The following CYB5R2 variants were observed in gnomAD, a reference collection of about 807,000 sequenced individuals.
CYB5R2 encodes cytochrome b5 reductase 2.
In CYB5R2, 35 loss-of-function variants were observed where a neutral mutation model predicts 29.8. The observed-to-expected ratio is 1.17, with a 90% confidence interval of 0.90 to 1.56. CYB5R2 has a LOEUF of 1.56. CYB5R2 is among the 40% of genes most tolerant of loss of function. The pLI, the probability that CYB5R2 is intolerant of heterozygous loss-of-function variation, is 0.00. For missense variants in CYB5R2, 419 were observed against 346.7 expected (o/e 1.21, Z -1.66); for synonymous variants, 169 against 130.6 (o/e 1.29, Z -2.01).
At chr11:7,668,109 C>T (rs1208524740) in intron 6 of CYB5R2, among the ~76,000 whole-genome samples, 1 of 151,736 alleles carries the variant, frequency 6.6e-6, no homozygotes, top group Non-Finnish European at 1.5e-5. Context: ...ATGCCTATTA[C>T]AGTGCCTGGC....
intron 8 of CYB5R2, chr11:7,665,892 A>G: frequency 6.5e-7 from 1 of 1,536,124 alleles, no homozygotes; most frequent in Non-Finnish European, 8.7e-7. Context: ...TGTTAGTGGA[A>G]CTGCGCAGAA....
upstream of CYB5R2, chr11:7,673,865 C>G (rs1376657751): frequency 1.0e-5 from 10 of 991,272 alleles, no homozygotes; most frequent in Admixed American, 5.9e-4. Flanking sequence ...CCCGGGAGGA[C>G]AAAAGCGCGG....
intron 3 of CYB5R2, 43 bp downstream of exon 3, chr11:7,672,408 C>T: frequency 3.2e-6 from 5 of 1,555,944 alleles, no homozygotes; most frequent in African/African-American, 1.4e-5. Context: ...AGGGCCTAGC[C>T]CCCAGAGGCC....
At chr11:7,665,960 G>C in intron 8 of CYB5R2, 1 of 1,519,452 alleles carries the variant, frequency 6.6e-7, no homozygotes, top group Admixed American at 2.0e-5. Flanking sequence ...AGCAGGTACA[G>C]CCGGGAGCAG....
upstream of CYB5R2, chr11:7,673,753 GT>G: frequency 1.0e-6 from 1 of 984,486 alleles, no homozygotes; most frequent in Non-Finnish European, 1.2e-6. Context: ...TCGAACTGGG[GT>G]TGGCCGGGGG....
At position 7,669,329 on chromosome 11, in the gene CYB5R2, G is replaced by C; in HGVS notation, c.264C>G (p.Tyr88Ter). Residue 88 changes from tyrosine (Y) to a stop codon, truncating the protein, a stop_gained, in exon 5 of 9, where the codon TAC becomes TAG. Transcript: ENST00000299498. LOFTEE classifies it high-confidence loss of function. ...GATATTGGGGGTGTACATTTTTGAA[G>C]TAGATCTGAAAAGCAAGGCAGCACT... ...RGFVDLIIKI[Y>*]FKNVHPQYPE... 3 of 1,610,766 alleles carry C rather than the reference G, an allele frequency of 1.9e-6. No homozygotes were observed. In the East Asian group the frequency reaches 6.7e-5, roughly 36 times the overall value.
At chr11:7,666,955 T>A (rs1302852585) in intron 7 of CYB5R2, 2 of 160,666 alleles carry the variant, frequency 1.2e-5, no homozygotes, top group Non-Finnish European at 2.7e-5. Context: ...AGAAATGTAA[T>A]GGGCTCAGAA....
At chr11:7,669,399 A>C (rs1302850416) in intron 4 of CYB5R2, 65 bp from the exon 5 acceptor site, 5 of 1,538,900 alleles carry the variant, frequency 3.2e-6, no homozygotes, top group Non-Finnish European at 4.4e-6. Flanking sequence ...GTACAACTAG[A>C]AAATGCATTT....
At chr11:7,665,690 C>A in intron 8 of CYB5R2, 144 bp from the exon 9 acceptor site, 2 of 1,137,178 alleles carry the variant, frequency 1.8e-6, no homozygotes, top group South Asian at 3.2e-5. Flanking sequence ...CTGCTCCCTG[C>A]AAAAAGCCTC....
chr11:7,673,684 A>C, upstream of CYB5R2: 1 of 984,676 alleles, frequency 1.0e-6, no homozygotes, highest in Non-Finnish European at 1.2e-6. Flanking sequence ...TATTTCTTCA[A>C]TACTCCATAA....
At chr11:7,666,143 T>G in intron 8 of CYB5R2, 1 of 604,110 alleles carries the variant, frequency 1.7e-6, no homozygotes, top group Non-Finnish European at 3.0e-6. Context: ...ATTAGATGTG[T>G]ATGTGATGGC....
At chr11:7,668,608 G>A (rs111910867) in intron 5 of CYB5R2, 47 bp from the exon 6 acceptor site, 24 of 1,451,068 alleles carry the variant, frequency 1.7e-5, no homozygotes, top group Admixed American at 1.2e-4. Flanking sequence ...CTTGCCTAAA[G>A]AGACTGCAAA....
chr11:7,673,699 A>G (rs1590889458), upstream of CYB5R2: 2 of 984,486 alleles, frequency 2.0e-6, no homozygotes, highest in South Asian at 9.4e-5. Context: ...CCATAAATAC[A>G]CCCCGCCGCG....
chr11:7,669,311 G>C lies in CYB5R2; in HGVS notation c.282C>G (p.Pro94=), dbSNP rs986577492. The stretch of plus-strand genomic sequence containing the variant: ...TCATCTTCCCACCTTCAGGATATTG[G>C]GGGTGTACATTTTTGAAGTAGATCT... The part of the protein sequence containing the change: ...IIKIYFKNVH[P]QYPEGGKMTQ... The change falls in exon 5 of 9, where the codon CCC becomes CCG. Residue 94 remains proline, a synonymous_variant. Coordinates refer to ENST00000299498, the MANE Select transcript of CYB5R2 (RefSeq NM_016229.5). 6.2e-7 allele frequency: 1 copy of C among 1,612,974 alleles called. No individual in the cohort carries two copies. The highest frequency in any genetic ancestry group is 1.3e-5 in the African/African-American group (1 of 74,958).
Position 7,665,154 on chromosome 11 carries a change from T to G in CYB5R2, c.*220A>C. The G allele has an allele frequency of 2.2e-6, 1 of 444,778 alleles. No individual in the cohort carries two copies. 27.6% of individuals were successfully genotyped at this position (444,778 alleles called of 1,614,324 possible). A position where few individuals can be genotyped will look rare whatever the true frequency, so the allele number is the denominator to read the frequency against. ...AAAACCACGGAGAAAGATACTGAAA[T>G]GGAGCTCTTTCCAGCCTCCAAGCAA... On this transcript the variant is annotated 3_prime_UTR_variant, in exon 9 of 9. Coordinates refer to ENST00000299498, the MANE Select transcript of CYB5R2 (RefSeq NM_016229.5).
intron 3 of CYB5R2, chr11:7,670,571 A>T (rs1249528365): frequency 6.6e-6 from 1 of 152,218 alleles, no homozygotes; most frequent in Admixed American, 6.5e-5. Context: ...TGAAACAACA[A>T]TATCATGTCT....
chr11:7,672,953 C>T, intron 1 of CYB5R2, 62 bp from the exon 2 acceptor site: 1 of 1,515,262 alleles, frequency 6.6e-7, no homozygotes. Context: ...GGGCAGCTCT[C>T]AGGCGCAGAA....
chr11:7,669,904 T>G, intron 3 of CYB5R2, 173 bp from the exon 4 acceptor site: 1 of 605,702 alleles, frequency 1.7e-6, no homozygotes. Context: ...ATCCTAGGCC[T>G]GCCCTGCCTC....
At chr11:7,665,651 G>T (rs926344220) in intron 8 of CYB5R2, 105 bp from the exon 9 acceptor site, 6 of 1,290,524 alleles carry the variant, frequency 4.6e-6, no homozygotes, top group Non-Finnish European at 5.3e-6. Flanking sequence ...GTGACAAGCT[G>T]CTCTACAAAG....
Sources: gnomAD v4.1 joint callset for allele counts (sites outside exome capture counted in the v4.1 genomes callset) on GRCh38, gnomAD v4.1.1 for gene constraint, MANE v1.5 for transcripts, NCBI Gene and HGNC (gene_info 2026-07-23, HGNC 2026-07-21) for gene names.